BRINP3: variants seen among roughly 807,000 people sequenced by gnomAD.
BRINP3 encodes the protein BMP/retinoic acid-inducible neural-specific protein 3.
A neutral mutation model predicts 71.0 loss-of-function variants in BRINP3; 19 were observed. The ratio of observed to expected loss-of-function variants is 0.27; its 90% confidence interval spans 0.19 to 0.39. BRINP3 has a LOEUF of 0.39. Ranked by LOEUF, BRINP3 falls within the 10% of genes least tolerant of loss-of-function variation. BRINP3 has a pLI of 1.00. For synonymous variants in BRINP3, 380 were observed against 337.7 expected, an observed-to-expected ratio of 1.13 and a Z score of -1.37; for missense variants, 959 against 940.8, an observed-to-expected ratio of 1.02 and a Z score of -0.25.
chr1:190,342,013 G>GT lies in BRINP3; in HGVS notation c.237-60264dup, dbSNP rs34821476. On this transcript the variant is annotated intron_variant, in intron 2 of 7. Coordinates refer to ENST00000367462, the MANE Select transcript of BRINP3 (RefSeq NM_199051.3). ...ACTATAGTGGAGGCCCTATTTCTGT[G>GT]TTTTTTTTTTTGCAGTTTCTAGAGT... Among the ~76,000 whole-genome samples the GT allele has an allele frequency of 8.1e-3, 1,190 of 147,646 alleles. 16 individuals are homozygous for GT. The highest frequency in any genetic ancestry group is 0.022 in the African/African-American group (896 of 40,326).
intron 2 of BRINP3, among the ~76,000 whole-genome samples, chr1:190,412,934 A>G (rs1273901643): frequency 2.6e-5 from 4 of 152,174 alleles, no homozygotes; most frequent in African/African-American, 9.7e-5. Context: ...AGAAAATAGG[A>G]AGGAAGGCAG....
intron 2 of BRINP3, among the ~76,000 whole-genome samples, chr1:190,431,605 C>A (rs1674104787): frequency 2.6e-5 from 4 of 152,124 alleles, no homozygotes. Flanking sequence ...GATCTGCCAG[C>A]CTCGGCCTCT....
At chr1:190,153,370 G>T (rs1321150023) in intron 7 of BRINP3, among the ~76,000 whole-genome samples, 2 of 152,004 alleles carry the variant, frequency 1.3e-5, no homozygotes, top group African/African-American at 4.8e-5. Flanking sequence ...AAGAAAAGGG[G>T]TTTTCTGTTT....
At chr1:190,323,349 C>T (rs141247141) in intron 2 of BRINP3, among the ~76,000 whole-genome samples, 1 of 151,630 alleles carries the variant, frequency 6.6e-6, no homozygotes, top group Non-Finnish European at 1.5e-5. Context: ...ATGTTGCATA[C>T]CAAAATGATG....
intron 6 of BRINP3, among the ~76,000 whole-genome samples, chr1:190,186,926 G>A (rs760058196): frequency 1.6e-4 from 24 of 152,124 alleles, no homozygotes; most frequent in Admixed American, 6.6e-5. Flanking sequence ...AGTCTGGTTA[G>A]GTTTGGACAC....
chr1:190,397,677 C>A (rs554450994), intron 2 of BRINP3, among the ~76,000 whole-genome samples: 1 of 151,994 alleles, frequency 6.6e-6, no homozygotes, highest in Admixed American at 6.6e-5. Flanking sequence ...CCAAGAAACA[C>A]AACTGAATAT....
chr1:190,470,978 A>G lies in BRINP3; in HGVS notation c.-51+6470T>C, dbSNP rs146312273. ...TGTATGAATGAATACTTTATTTTAA[A>G]CATTAAGTGTAGAGGAGTGGATTAA... On this transcript the variant is annotated intron_variant, in intron 1 of 7. Coordinates refer to ENST00000367462, the MANE Select transcript of BRINP3 (RefSeq NM_199051.3). Among the ~76,000 whole-genome samples, 66 of 151,298 alleles carry G rather than the reference A, an allele frequency of 4.4e-4. 1 individual carries two copies. In the East Asian group the frequency reaches 0.011, roughly 25 times the overall value.
Position 190,099,297 on chromosome 1 carries a change from TACACACAC to T in BRINP3, c.1185-171_1185-164del, listed in dbSNP as rs56359524. ...TAGAGCTCATAATTAGACTATATAA[TACACACAC>T]ACACACACACACACACACACACAGA... On this transcript the variant is annotated intron_variant, in intron 7 of 7. Coordinates refer to ENST00000367462, the MANE Select transcript of BRINP3 (RefSeq NM_199051.3). Among the ~76,000 whole-genome samples, 523 of 149,188 alleles carry T rather than the reference TACACACAC, an allele frequency of 3.5e-3. 4 individuals carry two copies. Among genetic ancestry groups the T allele is most frequent in the African/African-American group, 9.2e-3 (375 of 40,690 alleles).
At chr1:190,405,047 T>G (rs28570060) in intron 2 of BRINP3, among the ~76,000 whole-genome samples, 1 of 152,222 alleles carries the variant, frequency 6.6e-6, no homozygotes, top group Non-Finnish European at 1.5e-5. Context: ...GTTCTTTAAT[T>G]TATGGAAGTG....
intron 1 of BRINP3, among the ~76,000 whole-genome samples, chr1:190,473,619 C>CAAT (rs1184349070): frequency 6.9e-6 from 1 of 145,860 alleles, no homozygotes; most frequent in Non-Finnish European, 1.5e-5. Flanking sequence ...AAAACAATAT[C>CAAT]AATAATAATA....
intron 2 of BRINP3, among the ~76,000 whole-genome samples, chr1:190,373,530 T>A (rs1052470947): frequency 6.6e-6 from 1 of 151,740 alleles, no homozygotes; most frequent in African/African-American, 2.4e-5. Context: ...ATACCAATGA[T>A]CTTCATTATT....
intron 2 of BRINP3, among the ~76,000 whole-genome samples, chr1:190,405,172 C>T (rs1672179718): frequency 6.6e-6 from 1 of 152,040 alleles, no homozygotes; most frequent in Non-Finnish European, 1.5e-5. Context: ...AGAAACGTGG[C>T]CGGGCACAGT....
In BRINP3 at chr1:190,326,561, A is replaced by ATCAC. The variant is rs1262929128; in HGVS notation, c.237-44815_237-44812dup. 2.0e-5 allele frequency among the ~76,000 whole-genome samples: 3 copies of ATCAC among 152,076 alleles called. No individual in the cohort carries two copies. In the East Asian group the frequency reaches 5.8e-4, roughly 29 times the overall value. On this transcript the variant is annotated intron_variant, in intron 2 of 7. Transcript: ENST00000367462. ...AAAAGCAGCTAGAAAGTAAGGCCAG[A>ATCAC]TCACATATAAAGGGAACGCTGTTAG...
At chr1:190,142,081 C>T (rs1195094361) in intron 7 of BRINP3, among the ~76,000 whole-genome samples, 1 of 151,962 alleles carries the variant, frequency 6.6e-6, no homozygotes, top group Non-Finnish European at 1.5e-5. Flanking sequence ...TTGTGATTGG[C>T]AAAAATTTCT....
At chr1:190,141,126 A>T (rs1007828304) in intron 7 of BRINP3, among the ~76,000 whole-genome samples, 3 of 152,124 alleles carry the variant, frequency 2.0e-5, no homozygotes, top group Admixed American at 6.6e-5. Context: ...CCTGTTTTTC[A>T]TAGGTTTTCT....
chr1:190,412,395 T>TTATA (rs10552194), intron 2 of BRINP3, among the ~76,000 whole-genome samples: 2,232 of 134,948 alleles, frequency 0.017, 29 homozygotes, highest in Admixed American at 0.031. Flanking sequence ...TATATATATA[T>TTATA]TATATATATA....
At chr1:190,315,579 C>A (rs1211264275) in intron 2 of BRINP3, among the ~76,000 whole-genome samples, 1 of 152,130 alleles carries the variant, frequency 6.6e-6, no homozygotes, top group African/African-American at 2.4e-5. Context: ...ATTCTTCCCT[C>A]TTCTACACGA....
chr1:190,384,816 T>C (rs549623345), intron 2 of BRINP3, among the ~76,000 whole-genome samples: 32 of 151,994 alleles, frequency 2.1e-4, no homozygotes, highest in South Asian at 1.0e-3. Context: ...TACTATTATA[T>C]TGTAATAGAT....
At chr1:190,459,456 T>G (rs1378453447) in intron 1 of BRINP3, among the ~76,000 whole-genome samples, 2 of 151,892 alleles carry the variant, frequency 1.3e-5, no homozygotes, top group Non-Finnish European at 2.9e-5. Context: ...AAATATTTAC[T>G]ATAACAGTAA....
Sources: gnomAD v4.1 joint callset for allele counts (sites outside exome capture counted in the v4.1 genomes callset) on GRCh38, gnomAD v4.1.1 for gene constraint, MANE v1.5 for transcripts, NCBI Gene and HGNC (gene_info 2026-07-23, HGNC 2026-07-21) for gene names.